CDH8: variants seen among roughly 807,000 people sequenced by gnomAD.
CDH8 encodes cadherin 8, also known as cadherin-8.
A neutral mutation model predicts 68.1 loss-of-function variants in CDH8; 17 were observed. The ratio of observed to expected loss-of-function variants is 0.25; its 90% CI spans 0.17 to 0.37. The LOEUF is 0.37. Among genes scored for constraint, CDH8 ranks in the 10% least tolerant of loss-of-function variants. CDH8 has a pLI of 1.00. For missense variants in CDH8, 763 were observed against 999.3 expected, an observed-to-expected ratio of 0.76 and a Z score of 3.19; for synonymous variants, 372 against 365.1, an observed-to-expected ratio of 1.02 and a Z score of -0.21.
rs115525331 is a variant in CDH8 at position 62,014,586 on chromosome 16, C to T, written c.252+6566G>A. Among the ~76,000 whole-genome samples, 1,373 of 152,280 alleles carry T rather than the reference C, an allele frequency of 9.0e-3. 27 individuals carry two copies. The highest frequency in any genetic ancestry group is 0.032 in the African/African-American group (1,317 of 41,564). On this transcript the variant is annotated intron_variant, in intron 2 of 11. Coordinates refer to ENST00000577390, the MANE Select transcript of CDH8 (RefSeq NM_001796.5). The stretch of plus-strand genomic sequence containing the variant: ...TGTCAAGTGCAATTTTCTCACCCGT[C>T]GCAGACACCGTAAACTGTAATATAG...
At chr16:61,801,130 C>A (rs1472125934) in intron 7 of CDH8, among the ~76,000 whole-genome samples, 1 of 152,000 alleles carries the variant, frequency 6.6e-6, no homozygotes, top group Non-Finnish European at 1.5e-5. Context: ...GATTTTAAAC[C>A]CTAGATCAGC....
chr16:61,858,350 C>A (rs1254475075), intron 3 of CDH8, among the ~76,000 whole-genome samples: 1 of 151,926 alleles, frequency 6.6e-6, no homozygotes, highest in Non-Finnish European at 1.5e-5. Context: ...TAAGAAAAGG[C>A]AAAGTAGTGG....
intron 8 of CDH8, among the ~76,000 whole-genome samples, chr16:61,734,346 A>G (rs1959617232): frequency 6.8e-6 from 1 of 147,244 alleles, no homozygotes; most frequent in Admixed American, 6.7e-5. Context: ...TGCTGGGGGG[A>G]AAATGATTTC....
intron 10 of CDH8, among the ~76,000 whole-genome samples, chr16:61,706,990 G>A (rs1964547425): frequency 6.6e-6 from 1 of 152,104 alleles, no homozygotes; most frequent in Non-Finnish European, 1.5e-5. Flanking sequence ...TGATGCTTAT[G>A]TTCAAATAAC....
chr16:61,679,983 T>C (rs1963983669), intron 10 of CDH8, among the ~76,000 whole-genome samples: 1 of 152,050 alleles, frequency 6.6e-6, no homozygotes, highest in Non-Finnish European at 1.5e-5. Flanking sequence ...TTGTGTTCTG[T>C]GAATATAAGT....
intron 10 of CDH8, among the ~76,000 whole-genome samples, chr16:61,709,600 A>G (rs74023229): frequency 0.066 from 10,004 of 152,122 alleles, 1,117 homozygotes; most frequent in African/African-American, 0.23. Flanking sequence ...GTGTGTTTGC[A>G]GGGAGAGATG....
Position 61,825,162 on chromosome 16 carries a change from G to C in CDH8, c.685C>G (p.Leu229Val). ...EPETAIIKTA[L>V]PNMDREAKEE... Reference sequence around the variant, plus strand: ...TTGGCTTCTCTGTCCATGTTGGGAAGGGCAGTTTTTATAATAGCTGAGGGG... The same window carrying C: ...TTGGCTTCTCTGTCCATGTTGGGAACGGCAGTTTTTATAATAGCTGAGGGG... Residue 229 changes from leucine (L) to valine (V), a missense_variant, in exon 5 of 12, where the codon CTT becomes GTT. Physicochemically the swap from Leu to Val is conservative, Grantham distance 32. Around this residue, in one of 2 missense-constraint regions of CDH8, gnomAD observed 366 missense variants for 563.1 expected, o/e 0.65. Transcript: ENST00000577390. 1.2e-6 allele frequency: 2 copies of C among 1,602,312 alleles called. No individual in the cohort carries two copies. Among genetic ancestry groups the C allele is most frequent in the Non-Finnish European group, 1.7e-6 (2 of 1,176,212 alleles).
intron 3 of CDH8, among the ~76,000 whole-genome samples, chr16:61,884,264 C>A (rs1389793955): frequency 6.6e-6 from 1 of 152,148 alleles, no homozygotes; most frequent in African/African-American, 2.4e-5. Context: ...CCAACTCCTT[C>A]TCTTCCTCCT....
chr16:61,725,922 G>A (rs1359831182), intron 9 of CDH8: 3 of 150,342 alleles, frequency 2.0e-5, no homozygotes, highest in Non-Finnish European at 4.5e-5. Flanking sequence ...GTGTGGTGTG[G>A]TGTGTCTTAT....
chr16:61,936,662 T>G (rs775533823), intron 2 of CDH8, among the ~76,000 whole-genome samples: 4 of 152,162 alleles, frequency 2.6e-5, no homozygotes, highest in Non-Finnish European at 4.4e-5. Flanking sequence ...TGAAGTCTTC[T>G]GTCTTGCTGA....
chr16:62,007,686 C>A (rs74323588), intron 2 of CDH8, among the ~76,000 whole-genome samples: 1 of 152,210 alleles, frequency 6.6e-6, no homozygotes, highest in Non-Finnish European at 1.5e-5. Context: ...AAGAAATTAG[C>A]CTGGGCCTAG....
chr16:61,763,835 T>C (rs1471665715), intron 8 of CDH8, among the ~76,000 whole-genome samples: 1 of 152,092 alleles, frequency 6.6e-6, no homozygotes, highest in Non-Finnish European at 1.5e-5. Context: ...TATAATTTCA[T>C]AGATCTTTAC....
At chr16:61,877,998 T>G (rs898968314) in intron 3 of CDH8, among the ~76,000 whole-genome samples, 1 of 152,184 alleles carries the variant, frequency 6.6e-6, no homozygotes, top group African/African-American at 2.4e-5. Context: ...AAATCACTCC[T>G]GCAAATACCA....
rs976530786 is a variant in CDH8 at position 61,704,340 on chromosome 16, CAT to C, written c.1654+9499_1654+9500del. On this transcript the variant is annotated intron_variant, in intron 10 of 11. Transcript: ENST00000577390. ...ATTACGAACTATTGGGACCATTTGT[CAT>C]ATGTTTATTGAGTTATTTTATTTTA... is the stretch of plus-strand genomic sequence containing the variant. Among the ~76,000 whole-genome samples, 21 of 152,102 alleles carry C rather than the reference CAT, an allele frequency of 1.4e-4. 1 individual carries two copies. The highest frequency in any genetic ancestry group is 2.6e-4 in the Non-Finnish European group (18 of 68,026).
chr16:61,842,054 ATTTTT>A (rs543607290), intron 4 of CDH8, among the ~76,000 whole-genome samples: 4 of 132,426 alleles, frequency 3.0e-5, no homozygotes, highest in African/African-American at 1.2e-4. Context: ...CGCCCGGCTA[ATTTTT>A]TTTTTTTTTT....
At position 61,713,973 on chromosome 16, in the gene CDH8, T is replaced by A. The variant is rs368851788; in HGVS notation, c.1537-15A>T. On this transcript the variant is annotated splice_polypyrimidine_tract_variant and intron_variant, in intron 9 of 11. Coordinates refer to ENST00000577390, the MANE Select transcript of CDH8 (RefSeq NM_001796.5). Reference sequence around the variant, plus strand: ...GTTTGAATGACCTGAAACATAAAACTTGACGTCAGCATTTCTGATGATTTC... The same window carrying A: ...GTTTGAATGACCTGAAACATAAAACATGACGTCAGCATTTCTGATGATTTC... 3.8e-5 allele frequency: 55 copies of A among 1,448,590 alleles called. No individual in the cohort carries two copies. In the African/African-American group the frequency reaches 7.4e-4, roughly 20 times the overall value. 89.7% of individuals were successfully genotyped at this position (1,448,590 alleles called of 1,614,324 possible). A position where few individuals can be genotyped will look rare whatever the true frequency, so the allele number is the denominator to read the frequency against.
At chr16:61,879,609 T>C (rs892903192) in intron 3 of CDH8, among the ~76,000 whole-genome samples, 1 of 152,208 alleles carries the variant, frequency 6.6e-6, no homozygotes, top group African/African-American at 2.4e-5. Flanking sequence ...TGAACCTCTT[T>C]CAGCCCACCT....
At chr16:61,960,696 C>G (rs951469903) in intron 2 of CDH8, among the ~76,000 whole-genome samples, 1 of 151,960 alleles carries the variant, frequency 6.6e-6, no homozygotes, top group Non-Finnish European at 1.5e-5. Context: ...TACCTGTTGC[C>G]CTCCTTCCTC....
chr16:62,027,681 C>T (rs948203650), intron 1 of CDH8, among the ~76,000 whole-genome samples: 6 of 152,084 alleles, frequency 3.9e-5, no homozygotes, highest in Admixed American at 1.3e-4. Context: ...CAGGGGGTGG[C>T]GATTCAGTGT....
Sources: gnomAD v4.1 joint callset for allele counts (sites outside exome capture counted in the v4.1 genomes callset) on GRCh38, gnomAD v4.1.1 for gene constraint, gnomAD v4.1.1 regional missense constraint, MANE v1.5 for transcripts, NCBI Gene and HGNC (gene_info 2026-07-23, HGNC 2026-07-21) for gene names.